SEC24D: variants seen among roughly 807,000 people sequenced by gnomAD.
SEC24D encodes protein transport protein Sec24D.
Under a neutral mutation model 116.9 loss-of-function variants are expected in SEC24D, and 69 were observed. The ratio of observed to expected loss-of-function variants is 0.59; its 90% CI spans 0.49 to 0.72. The LOEUF (loss-of-function observed/expected upper bound fraction) is 0.72, where lower values mean the gene tolerates loss of function less well. Ranked by LOEUF, SEC24D falls within the 30% of genes least tolerant of loss-of-function variation. The probability of loss-of-function intolerance (pLI) is 0.00; values close to 1 mark genes in which losing one functional copy is unlikely to be tolerated. For synonymous variants in SEC24D, 405 were observed against 442.8 expected (o/e 0.91, Z 1.07); for missense variants, 1,131 against 1,264.1 (o/e 0.89, Z 1.60).
chr4:118,818,494 A>G (rs750751926), intron 3 of SEC24D, among the ~76,000 whole-genome samples: 2 of 152,212 alleles, frequency 1.3e-5, no homozygotes, highest in East Asian at 1.9e-4. Flanking sequence ...ATTTTTCTCC[A>G]TATGTTTAAA....
chr4:118,783,973 C>T (rs773238286), intron 8 of SEC24D, among the ~76,000 whole-genome samples: 3 of 152,196 alleles, frequency 2.0e-5, no homozygotes, highest in African/African-American at 4.8e-5. Flanking sequence ...GAGGCTGAGG[C>T]GGGCAGATCA....
chr4:118,814,771 A>T (rs967024906), intron 6 of SEC24D, among the ~76,000 whole-genome samples: 2 of 151,980 alleles, frequency 1.3e-5, no homozygotes, highest in Non-Finnish European at 2.9e-5. Flanking sequence ...AGACACTGCC[A>T]AGTTTATATG....
chr4:118,835,022 G>GA (rs1380770791), intron 1 of SEC24D, among the ~76,000 whole-genome samples: 4 of 152,182 alleles, frequency 2.6e-5, no homozygotes, highest in Non-Finnish European at 5.9e-5. Flanking sequence ...GGGGAGAACT[G>GA]AAAAAGAGGA....
rs768293988 is a variant in SEC24D, at chr4:118,723,512, CAATT to C, written c.3098_*2del. 15 of 1,605,748 alleles carry C rather than the reference CAATT, an allele frequency of 9.3e-6. No individual in the cohort carries two copies. Among genetic ancestry groups the C allele is most frequent in the Admixed American group, 3.4e-5 (2 of 58,698 alleles). ...TGCAACATCAATGACAGAGAAGTTTCAATTAATTAAGCAGCTGACAGATCTCCTT... is the reference window on the plus strand; with the variant it reads ...TGCAACATCAATGACAGAGAAGTTTCAATTAAGCAGCTGACAGATCTCCTT... On this transcript the variant is annotated stop_retained_variant and 3_prime_UTR_variant, in exon 23 of 23. Transcript: ENST00000280551.
rs1416569139 is a variant in SEC24D, at chr4:118,732,883, C to G, written c.2526G>C (p.Leu842Phe). The G allele has an allele frequency of 1.9e-6, 3 of 1,613,568 alleles. No individual in the cohort carries two copies. The African/African-American group carries it at 4.0e-5, about 22-fold the overall frequency. The change falls in exon 20 of 23, where the codon TTG (leucine) becomes TTC (phenylalanine). Residue 842 changes from leucine to phenylalanine, a missense_variant. Coordinates refer to ENST00000280551, the MANE Select transcript of SEC24D (RefSeq NM_014822.4). ...TCAACAAGCAATTCATGTACACTGG[C>G]AATACTTTCATGGAATCTGGTAGAA... ...QLILPDSMKV[L>F]PVYMNCLLKN...
intron 6 of SEC24D, among the ~76,000 whole-genome samples, chr4:118,809,426 A>G (rs1214267663): frequency 6.6e-6 from 1 of 152,256 alleles, no homozygotes. Context: ...ACTGGGGTAT[A>G]GCAGAAGCTC....
chr4:118,735,604 T>C (rs192995740), intron 19 of SEC24D: 1 of 152,216 alleles, frequency 6.6e-6, no homozygotes, highest in African/African-American at 2.4e-5. Context: ...ATGATATTGA[T>C]ATATTTAAGC....
intron 15 of SEC24D, among the ~76,000 whole-genome samples, chr4:118,742,309 C>G (rs1205865273): frequency 2.0e-5 from 3 of 151,446 alleles, no homozygotes; most frequent in African/African-American, 7.3e-5. Context: ...AAGGACCTAG[C>G]AAGAACCCCA....
chr4:118,817,381 C>T lies in SEC24D; in HGVS notation c.280G>A (p.Ala94Thr), dbSNP rs190983418. 355 of 1,611,096 alleles carry T rather than the reference C, an allele frequency of 2.2e-4. No individual in the cohort carries two copies. The highest frequency in any genetic ancestry group is 2.8e-4 in the Non-Finnish European group (334 of 1,178,572). The change falls in exon 4 of 23, where the codon GCA (alanine) becomes ACA (threonine). Residue 94 changes from alanine to threonine, a missense_variant. Coordinates refer to ENST00000280551, the MANE Select transcript of SEC24D (RefSeq NM_014822.4). ...GGTTGGTATGGTGCATGTGAGGATG[C>T]CACATTGTTGACAGGTGGAGGGCCT... ...FPGPPPVNNVASSHAPYQPSA... is the reference protein window; with the variant it reads ...FPGPPPVNNVTSSHAPYQPSA...
chr4:118,808,029 G>A (rs1729748592), intron 6 of SEC24D, among the ~76,000 whole-genome samples: 1 of 152,100 alleles, frequency 6.6e-6, no homozygotes, highest in South Asian at 2.1e-4. Flanking sequence ...TGGTGTGAAG[G>A]GGGTTCACTG....
At chr4:118,727,836 A>C (rs1412651162) in intron 22 of SEC24D, among the ~76,000 whole-genome samples, 4 of 152,144 alleles carry the variant, frequency 2.6e-5, no homozygotes, top group Non-Finnish European at 5.9e-5. Context: ...GTTTGCATGC[A>C]TGAGTTACTT....
At chr4:118,814,663 TC>T (rs1166943619) in intron 6 of SEC24D, among the ~76,000 whole-genome samples, 1 of 152,164 alleles carries the variant, frequency 6.6e-6, no homozygotes, top group African/African-American at 2.4e-5. Context: ...TTGAAAAGGA[TC>T]CTTTAGTTAT....
At chr4:118,821,232 G>A (rs1290952022) in intron 3 of SEC24D, among the ~76,000 whole-genome samples, 3 of 152,124 alleles carry the variant, frequency 2.0e-5, no homozygotes, top group African/African-American at 7.2e-5. Context: ...TTCAACTTTT[G>A]TTGAAATCAA....
chr4:118,779,361 C>A (rs1396341636), intron 8 of SEC24D, among the ~76,000 whole-genome samples: 1 of 152,118 alleles, frequency 6.6e-6, no homozygotes, highest in East Asian at 1.9e-4. Flanking sequence ...TTGAGATAAT[C>A]ATGTGGTTTT....
chr4:118,779,968 T>C (rs1728321987), intron 8 of SEC24D, among the ~76,000 whole-genome samples: 1 of 152,210 alleles, frequency 6.6e-6, no homozygotes, highest in Admixed American at 6.5e-5. Flanking sequence ...TCATTTTTTA[T>C]TGCATCTATT....
At chr4:118,830,620 T>C (rs747941193) in intron 2 of SEC24D, among the ~76,000 whole-genome samples, 4 of 151,890 alleles carry the variant, frequency 2.6e-5, no homozygotes, top group African/African-American at 4.8e-5. Flanking sequence ...TATATGTATA[T>C]ATAATTTTTT....
In SEC24D at chr4:118,768,200, AC is replaced by A; in HGVS notation, c.1152del (p.Gln384HisfsTer8). 2 of 1,613,718 alleles carry A rather than the reference AC, an allele frequency of 1.2e-6. No individual in the cohort carries two copies. The highest frequency in any genetic ancestry group is 1.7e-6 in the Non-Finnish European group (2 of 1,179,812). On this transcript the variant is annotated frameshift_variant, in exon 9 of 23. Coordinates refer to ENST00000280551, the MANE Select transcript of SEC24D (RefSeq NM_014822.4). LOFTEE classifies it high-confidence loss of function. ...TCATTCACACAGTTGCAAAATCCAC[AC>A]TGATATCTCCTTCCTCCTTCGATGA... ...MQFIEGGRRY[Q>X]CGFCNCVNDV...
At chr4:118,820,994 C>T (rs1311239123) in intron 3 of SEC24D, among the ~76,000 whole-genome samples, 1 of 152,072 alleles carries the variant, frequency 6.6e-6, no homozygotes, top group Non-Finnish European at 1.5e-5. Context: ...CAAACACTCC[C>T]CATATTCAAG....
At chr4:118,777,092 A>ATTATTTATTTATTTATTTATTTATTTAT (rs70944813) in intron 8 of SEC24D, among the ~76,000 whole-genome samples, 1 of 148,548 alleles carries the variant, frequency 6.7e-6, no homozygotes, top group African/African-American at 2.5e-5. Context: ...GAAGGTCTGA[A>ATTATTTATTTATTTATTTATTTATTTAT]TTATTTATTT....
Sources: gnomAD v4.1 joint callset for allele counts (sites outside exome capture counted in the v4.1 genomes callset) on GRCh38, gnomAD v4.1.1 for gene constraint, MANE v1.5 for transcripts, NCBI Gene and HGNC (gene_info 2026-07-23, HGNC 2026-07-21) for gene names.